The following SLC27A2 variants were observed in gnomAD, a reference collection of about 807,000 sequenced individuals.
The protein encoded by SLC27A2 is long-chain fatty acid transport protein 2.
SLC27A2 carries 54 observed loss-of-function variants against 60.0 expected under a neutral mutation model. The ratio of observed to expected loss-of-function variants is 0.90; its 90% CI spans 0.72 to 1.13. SLC27A2 has a LOEUF of 1.13. Among genes scored for constraint, SLC27A2 ranks in the 50% most tolerant of loss-of-function variants. SLC27A2 has a pLI of 0.00. For synonymous variants in SLC27A2, 297 were observed against 297.6 expected (o/e 1.00, Z 0.02); for missense variants, 739 against 777.6 (o/e 0.95, Z 0.59).
At position 50,236,289 on chromosome 15, in the gene SLC27A2, G is replaced by C. The variant is rs1595695306; in HGVS notation, c.*193G>C. On this transcript the variant is annotated 3_prime_UTR_variant, in exon 10 of 10. Transcript: ENST00000267842. ...AAGATTTAGAGATTATTATTTTTCA[G>C]TGTGCACCTACTGTTTGTATTTGCA... The C allele has an allele frequency of 6.5e-6, 3 of 462,492 alleles. 1 individual carries two copies. The highest frequency in any genetic ancestry group is 1.1e-5 in the Non-Finnish European group (3 of 266,146). The allele number at this position is 462,492 out of a possible 1,614,324, so 28.6% of individuals were successfully genotyped here.
chr15:50,197,851 ATCT>A (rs1167626256), intron 2 of SLC27A2, 142 bp downstream of exon 2: 2 of 630,968 alleles, frequency 3.2e-6, no homozygotes, highest in Admixed American at 2.8e-5. Flanking sequence ...GCGGGAACTG[ATCT>A]TATTTCATAG....
chr15:50,184,879 T>G (rs1369028686), intron 1 of SLC27A2, among the ~76,000 whole-genome samples: 2 of 152,058 alleles, frequency 1.3e-5, no homozygotes, highest in Non-Finnish European at 2.9e-5. Flanking sequence ...GGTGGCTAAA[T>G]TATTTGGAAG....
Position 50,182,321 on chromosome 15 carries a change from G to GCGCCCCGGCGCAGCCCGCCAGTC in SLC27A2, c.-101_-79dup. The GCGCCCCGGCGCAGCCCGCCAGTC allele has an allele frequency of 7.5e-7, 1 of 1,329,528 alleles. No homozygotes were observed. Among genetic ancestry groups the GCGCCCCGGCGCAGCCCGCCAGTC allele is most frequent in the African/African-American group, 1.5e-5 (1 of 64,534 alleles). 82.4% of individuals were successfully genotyped at this position (1,329,528 alleles called of 1,614,324 possible). On this transcript the variant is annotated 5_prime_UTR_variant, in exon 1 of 10. Coordinates refer to ENST00000267842, the MANE Select transcript of SLC27A2 (RefSeq NM_003645.4). ...ACGCGAGCCCGGCGTCCCGCCGCGT[G>GCGCCCCGGCGCAGCCCGCCAGTC]CGCCCCGGCGCAGCCCGCCAGTCCG...
intron 4 of SLC27A2, among the ~76,000 whole-genome samples, chr15:50,216,806 A>AAT: frequency 7.1e-6 from 1 of 141,454 alleles, no homozygotes; most frequent in Non-Finnish European, 1.5e-5. Context: ...ATATCCACAA[A>AAT]ATATATATAT....
chr15:50,192,843 C>A (rs1346254586), intron 1 of SLC27A2, among the ~76,000 whole-genome samples: 2 of 150,838 alleles, frequency 1.3e-5, no homozygotes, highest in African/African-American at 4.9e-5. Context: ...TTTTGACCTA[C>A]CATTTTCCCC....
intron 5 of SLC27A2, 25 bp downstream of exon 5, chr15:50,223,184 A>G (rs776684935): frequency 8.4e-6 from 13 of 1,547,228 alleles, no homozygotes; most frequent in African/African-American, 2.7e-5. Context: ...AAATGAGAGC[A>G]TACGTAGCCA....
In SLC27A2 at chr15:50,201,165, G is replaced by A. The variant is rs202055692; in HGVS notation, c.689-1322G>A. 2.6e-5 allele frequency among the ~76,000 whole-genome samples: 4 copies of A among 152,204 alleles called. No individual in the cohort carries two copies. In the East Asian group the frequency reaches 5.8e-4, roughly 22 times the overall value. On this transcript the variant is annotated intron_variant, in intron 2 of 9. Transcript: ENST00000267842. ...ACCCAGCTAATTTGTTTTACTTTTT[G>A]TAGAGGAGGGGTCTCACTATGTTGC...
At chr15:50,196,566 CAA>C (rs2045025385) in intron 1 of SLC27A2, among the ~76,000 whole-genome samples, 1 of 152,134 alleles carries the variant, frequency 6.6e-6, no homozygotes, top group Non-Finnish European at 1.5e-5. Flanking sequence ...AAGAACTTCT[CAA>C]GATAAGCGGT....
intron 1 of SLC27A2, among the ~76,000 whole-genome samples, chr15:50,189,303 C>T (rs971087168): frequency 3.9e-5 from 6 of 152,174 alleles, no homozygotes; most frequent in African/African-American, 1.4e-4. Flanking sequence ...AGCTCTCTGG[C>T]AGTACATGGT....
At chr15:50,230,492 A>C (rs1484464036) in intron 8 of SLC27A2, among the ~76,000 whole-genome samples, 1 of 151,808 alleles carries the variant, frequency 6.6e-6, no homozygotes, top group Non-Finnish European at 1.5e-5. Context: ...GCAGTGAGCC[A>C]AGATCTCACC....
At position 50,228,376 on chromosome 15, in the gene SLC27A2, CAAAAAAAAAAAAAA is replaced by C. The variant is rs71124333; in HGVS notation, c.1458-559_1458-546del. Among the ~76,000 whole-genome samples, 1,158 of 77,318 alleles carry C rather than the reference CAAAAAAAAAAAAAA, an allele frequency of 0.015. 55 individuals are homozygous for C. In the East Asian group the frequency reaches 0.18, roughly 12 times the overall value. The allele number at this position is 77,318 out of a possible 152,430, so 50.7% of individuals were successfully genotyped here. On this transcript the variant is annotated intron_variant, in intron 7 of 9. Transcript: ENST00000267842. ...TAAGTGATAGAATGAGACTCTGCCTCAAAAAAAAAAAAAAAAAAAAAAAGAATTTTTAATGAAAA... is the reference window on the plus strand; with the variant it reads ...TAAGTGATAGAATGAGACTCTGCCTCAAAAAAAAAGAATTTTTAATGAAAA...
chr15:50,220,826 C>A (rs2045237127), intron 4 of SLC27A2, among the ~76,000 whole-genome samples: 1 of 152,148 alleles, frequency 6.6e-6, no homozygotes, highest in African/African-American at 2.4e-5. Flanking sequence ...CTTGCCCTGG[C>A]AAACCAGACA....
At chr15:50,216,545 G>C (rs1056540314) in intron 4 of SLC27A2, among the ~76,000 whole-genome samples, 1 of 146,284 alleles carries the variant, frequency 6.8e-6, no homozygotes, top group Non-Finnish European at 1.5e-5. Context: ...TTGCAAAATC[G>C]TGGAACCAAC....
At chr15:50,189,575 C>T (rs555821389) in intron 1 of SLC27A2, among the ~76,000 whole-genome samples, 1 of 152,324 alleles carries the variant, frequency 6.6e-6, no homozygotes, top group African/African-American at 2.4e-5. Flanking sequence ...TGTACATCTC[C>T]ATCCAAGAAC....
chr15:50,197,407 T>C, intron 1 of SLC27A2, 93 bp from the exon 2 acceptor site: 2 of 943,460 alleles, frequency 2.1e-6, no homozygotes. Context: ...CAAAAAATTA[T>C]GCTGAAAATA....
chr15:50,194,527 A>G lies in SLC27A2; in HGVS notation c.479-2973A>G, dbSNP rs139611719. ...CTCCCGAATAAGGAGAGTGGATTCT[A>G]TCACAAGGAATGAACAGCCCTGAAG... is the stretch of plus-strand genomic sequence containing the variant. On this transcript the variant is annotated intron_variant, in intron 1 of 9. Transcript: ENST00000267842. Among the ~76,000 whole-genome samples, 214 of 152,334 alleles carry G rather than the reference A, an allele frequency of 1.4e-3. 2 individuals are homozygous for G. The highest frequency in any genetic ancestry group is 5.0e-3 in the African/African-American group (206 of 41,570).
At chr15:50,211,779 GA>G (rs970804375) in intron 4 of SLC27A2, among the ~76,000 whole-genome samples, 2 of 151,978 alleles carry the variant, frequency 1.3e-5, no homozygotes, top group African/African-American at 4.8e-5. Context: ...ATAGCTTAAA[GA>G]AAAAAACAGG....
intron 8 of SLC27A2, among the ~76,000 whole-genome samples, chr15:50,230,232 T>C (rs2045308134): frequency 1.9e-5 from 2 of 103,314 alleles, no homozygotes; most frequent in Admixed American, 1.2e-4. Context: ...AGACTCTGTC[T>C]CACCAAAAAA....
chr15:50,225,166 G>A (rs1232280037), intron 5 of SLC27A2, among the ~76,000 whole-genome samples: 2 of 152,028 alleles, frequency 1.3e-5, no homozygotes, highest in African/African-American at 4.8e-5. Context: ...TAATACTAAA[G>A]CATATGATTG....
Sources: gnomAD v4.1 joint callset for allele counts (sites outside exome capture counted in the v4.1 genomes callset) on GRCh38, gnomAD v4.1.1 for gene constraint, MANE v1.5 for transcripts, NCBI Gene and HGNC (gene_info 2026-07-23, HGNC 2026-07-21) for gene names.